The following PHACTR2 variants were observed in gnomAD, a reference collection of about 807,000 sequenced individuals.
PHACTR2 encodes chromosome 6 open reading frame 56.
In PHACTR2, 30 loss-of-function variants were observed where a neutral mutation model predicts 76.0. The ratio of observed to expected loss-of-function variants is 0.39; its 90% CI spans 0.30 to 0.54. PHACTR2 has a LOEUF of 0.54. Ranked by LOEUF, PHACTR2 falls within the 20% of genes least tolerant of loss-of-function variation. PHACTR2 has a pLI of 0.61. For synonymous variants in PHACTR2, 292 were observed against 292.5 expected (o/e 1.00, Z 0.02); for missense variants, 696 against 781.1 (o/e 0.89, Z 1.30).
At chr6:143,564,151 TTA>T (rs1477793349) in intron 1 of PHACTR2, among the ~76,000 whole-genome samples, 104 of 143,804 alleles carry the variant, frequency 7.2e-4, no homozygotes, top group Non-Finnish European at 8.6e-4. Context: ...TCTGTCTTAG[TTA>T]TATGTGTGTG....
In PHACTR2 at chr6:143,771,215, T is replaced by TAC. The variant is rs1224990884; in HGVS notation, c.1233-1042_1233-1041insCA. Among the ~76,000 whole-genome samples the TAC allele has an allele frequency of 5.4e-3, 550 of 101,258 alleles. 17 individuals are homozygous for TAC. The highest frequency in any genetic ancestry group is 0.023 in the African/African-American group (521 of 22,304). 66.4% of individuals were successfully genotyped at this position (101,258 alleles called of 152,430 possible). A position where few individuals can be genotyped will look rare whatever the true frequency, so the allele number is the denominator to read the frequency against. On this transcript the variant is annotated intron_variant, in intron 6 of 12. Coordinates refer to ENST00000440869, the MANE Select transcript of PHACTR2 (RefSeq NM_001100164.2). ...GTGTGTATATATATATATATATATA[T>TAC]ATATATATATATATATATATGCTTT...
chr6:143,639,256 T>G lies in PHACTR2; in HGVS notation c.13+30934T>G, dbSNP rs1194461964. 1.3e-5 allele frequency among the ~76,000 whole-genome samples: 2 copies of G among 152,214 alleles called. No homozygotes were observed. The highest frequency in any genetic ancestry group is 4.8e-5 in the African/African-American group (2 of 41,452). On this transcript the variant is annotated intron_variant, in intron 1 of 11. Transcript: ENST00000305766. The surrounding 1 kb of genome is among the most constrained non-coding windows in gnomAD (Gnocchi z 5.0). ...TACAGTCTGTCTTTCCAAAACAAAT[T>G]AATGGTAAGATATACCTATAGCAAT...
chr6:143,712,082 C>T lies in PHACTR2; in HGVS notation c.113C>T (p.Pro38Leu). ...CCCACAGCAGGTTCCCAAACACCTC[C>T]CTTCAAAAGAAAGGGGAAACTATCC... Reference protein sequence around the residue: ...DGPTAGSQTPPFKRKGKLSTI... With the variant: ...DGPTAGSQTPLFKRKGKLSTI... The change falls in exon 2 of 13, where the codon CCC (proline) becomes CTC (leucine). Residue 38 changes from proline to leucine, a missense_variant. Pro to Leu is a moderately conservative substitution (Grantham distance 98). Transcript: ENST00000440869. 1 of 1,596,870 alleles carries T rather than the reference C, an allele frequency of 6.3e-7. No homozygotes were observed. Among genetic ancestry groups the T allele is most frequent in the Non-Finnish European group, 8.5e-7 (1 of 1,173,720 alleles).
At chr6:143,779,915 TTATATTATATTA>T (rs1406021197) in intron 9 of PHACTR2, among the ~76,000 whole-genome samples, 3 of 104,266 alleles carry the variant, frequency 2.9e-5, no homozygotes, top group Non-Finnish European at 4.8e-5. Context: ...TTATATTATA[TTATATTATATTA>T]TATTATATTA....
rs1776431342 is a variant in PHACTR2 at position 143,822,042 on chromosome 6, C to CA, written c.1923-1631dup. Among the ~76,000 whole-genome samples, 3 of 152,018 alleles carry CA rather than the reference C, an allele frequency of 2.0e-5. No individual in the cohort carries two copies. Among genetic ancestry groups the CA allele is most frequent in the Admixed American group, 2.0e-4 (3 of 15,264 alleles). Reference sequence around the variant, plus strand: ...TGCAAAAAGTAGGTAGAGGAAAGGGCATTAGCGCAAAAGCCTTTTTGGGGC... The same window carrying CA: ...TGCAAAAAGTAGGTAGAGGAAAGGGCAATTAGCGCAAAAGCCTTTTTGGGGC... On this transcript the variant is annotated intron_variant, in intron 12 of 12. Coordinates refer to ENST00000440869, the MANE Select transcript of PHACTR2 (RefSeq NM_001100164.2). This position sits in a 1 kb window ranked among gnomAD's most constrained non-coding sequence, Gnocchi z 5.5.
chr6:143,570,452 T>G lies in PHACTR2; in HGVS notation c.217+33245T>G, dbSNP rs746534113. On this transcript the variant is annotated intron_variant, in intron 1 of 11. Coordinates refer to the PHACTR2 transcript ENST00000367584. The surrounding 1 kb of genome is among the most constrained non-coding windows in gnomAD (Gnocchi z 4.6). Reference sequence around the variant, plus strand: ...CACTTGCCAGTGACATGGAAGTAAATATTATTGTTTTTGGGGGGTGACATC... The same window carrying G: ...CACTTGCCAGTGACATGGAAGTAAAGATTATTGTTTTTGGGGGGTGACATC... Among the ~76,000 whole-genome samples, 27 of 152,076 alleles carry G rather than the reference T, an allele frequency of 1.8e-4. No homozygotes were observed. Among genetic ancestry groups the G allele is most frequent in the Non-Finnish European group, 3.8e-4 (26 of 68,004 alleles).
chr6:143,771,769 G>T (rs545358018), intron 6 of PHACTR2, among the ~76,000 whole-genome samples: 2 of 152,094 alleles, frequency 1.3e-5, no homozygotes, highest in African/African-American at 4.8e-5. Flanking sequence ...ACTTTTCTAC[G>T]TCATTACCTT....
intron 12 of PHACTR2, among the ~76,000 whole-genome samples, chr6:143,817,066 C>A: frequency 6.7e-6 from 1 of 149,868 alleles, no homozygotes. Flanking sequence ...ACGGTGTCCC[C>A]CCCACCCCCC....
chr6:143,607,705 A>G (rs963814668), upstream of PHACTR2, among the ~76,000 whole-genome samples: 2 of 152,212 alleles, frequency 1.3e-5, no homozygotes, highest in African/African-American at 4.8e-5. Context: ...CAGAGATATT[A>G]AAGATAGTCT....
rs1236711156 is a variant in PHACTR2, at chr6:143,623,470, G to A, written c.13+15148G>A. ...CATGCCTGTAGTCCCAGCTACGTGG[G>A]AGGCTGAGGCAGGAGAATCACTTGA... On this transcript the variant is annotated intron_variant, in intron 1 of 11. Transcript: ENST00000305766. The surrounding 1 kb of genome is among the most constrained non-coding windows in gnomAD (Gnocchi z 5.9). Among the ~76,000 whole-genome samples, 1 of 152,140 alleles carries A rather than the reference G, an allele frequency of 6.6e-6. No homozygotes were observed. Among genetic ancestry groups the A allele is most frequent in the Non-Finnish European group, 1.5e-5 (1 of 68,022 alleles).
In PHACTR2 at chr6:143,672,859, A is replaced by G. The variant is rs1562265351; in HGVS notation, c.14-39157A>G. ...CCGGCCTCAGCCTCCCAAGTAGCTGAGATTACAGGAGTGCACCACCACGCC... is the reference window on the plus strand; with the variant it reads ...CCGGCCTCAGCCTCCCAAGTAGCTGGGATTACAGGAGTGCACCACCACGCC... On this transcript the variant is annotated intron_variant, in intron 1 of 11. Coordinates refer to the PHACTR2 transcript ENST00000305766. This position sits in a 1 kb window ranked among gnomAD's most constrained non-coding sequence, Gnocchi z 5.8. 6.6e-6 allele frequency among the ~76,000 whole-genome samples: 1 copy of G among 151,896 alleles called. No homozygotes were observed. The highest frequency in any genetic ancestry group is 1.5e-5 in the Non-Finnish European group (1 of 67,956).
chr6:143,643,190 C>CT lies in PHACTR2; in HGVS notation c.13+34876dup, dbSNP rs57003079. ...TATCCAAATTATTGTTTAAATGGGT[C>CT]TTTTTTTTGCAAAAAATATTTCATA... On this transcript the variant is annotated intron_variant, in intron 1 of 11. Transcript: ENST00000305766. Among the ~76,000 whole-genome samples the CT allele has an allele frequency of 6.7e-3, 1,010 of 151,796 alleles. 14 individuals are homozygous for CT. Among genetic ancestry groups the CT allele is most frequent in the African/African-American group, 0.023 (962 of 41,388 alleles).
chr6:143,788,685 A>G, intron 10 of PHACTR2, 88 bp from the exon 11 acceptor site: 1 of 964,796 alleles, frequency 1.0e-6, no homozygotes, highest in Non-Finnish European at 1.5e-6. Context: ...ATTTAACCAT[A>G]ACTTTGAAGT....
At chr6:143,677,058 T>C (rs1159965274), upstream of PHACTR2, among the ~76,000 whole-genome samples, 1 of 152,008 alleles carries the variant, frequency 6.6e-6, no homozygotes, top group African/African-American at 2.4e-5. Flanking sequence ...TATTGCACTT[T>C]CTGATATTTT....
intron 1 of PHACTR2, among the ~76,000 whole-genome samples, chr6:143,563,788 G>A (rs555334756): frequency 6.6e-6 from 1 of 150,686 alleles, no homozygotes; most frequent in Non-Finnish European, 1.5e-5. Context: ...TTGAGCTTGA[G>A]AGTTCAAGAC....
In PHACTR2 at chr6:143,684,521, G is replaced by C. The variant is rs948255560; in HGVS notation, c.46+6312G>C. ...AACTACATGTCCTAATGACATATTAGCAGTAGAGTTGCTAGGTCAAAAGAT... is the reference window on the plus strand; with the variant it reads ...AACTACATGTCCTAATGACATATTACCAGTAGAGTTGCTAGGTCAAAAGAT... On this transcript the variant is annotated intron_variant, in intron 1 of 12. Transcript: ENST00000440869. This position sits in a 1 kb window ranked among gnomAD's most constrained non-coding sequence, Gnocchi z 4.3. 1.5e-4 allele frequency among the ~76,000 whole-genome samples: 23 copies of C among 152,312 alleles called. No individual in the cohort carries two copies. The highest frequency in any genetic ancestry group is 5.5e-4 in the African/African-American group (23 of 41,558).
intron 1 of PHACTR2, among the ~76,000 whole-genome samples, chr6:143,584,417 C>T (rs1775603996): frequency 1.3e-5 from 2 of 152,184 alleles, no homozygotes; most frequent in Admixed American, 6.5e-5. Flanking sequence ...CAACTAGCCT[C>T]AGTTCTGGAG....
At chr6:143,565,578 C>T (rs1254777158) in intron 1 of PHACTR2, among the ~76,000 whole-genome samples, 1 of 145,990 alleles carries the variant, frequency 6.8e-6, no homozygotes, top group African/African-American at 2.6e-5. Context: ...GCACTCCAGC[C>T]TGGGTGACAG....
chr6:143,669,700 C>CTTTTT (rs140729663), intron 1 of PHACTR2, among the ~76,000 whole-genome samples: 1 of 149,212 alleles, frequency 6.7e-6, no homozygotes, highest in Non-Finnish European at 1.5e-5. Context: ...GCAACCCCTG[C>CTTTTT]TTTTTTTTTT....
Sources: gnomAD v4.1 joint callset for allele counts (sites outside exome capture counted in the v4.1 genomes callset) on GRCh38, gnomAD v4.1.1 for gene constraint, Gnocchi (gnomAD v3.1) non-coding constraint, MANE v1.5 for transcripts, NCBI Gene and HGNC (gene_info 2026-07-23, HGNC 2026-07-21) for gene names.